The following LRP1B variants were observed in gnomAD, a reference collection of about 807,000 sequenced individuals.
LRP1B encodes low-density lipoprotein receptor-related protein 1B.
A neutral mutation model predicts 556.6 loss-of-function variants in LRP1B; 217 were observed. The observed-to-expected ratio is 0.39, with a 90% CI of 0.35 to 0.44. LRP1B has a LOEUF of 0.44. Ranked by LOEUF, LRP1B falls within the 20% of genes least tolerant of loss-of-function variation. The pLI is 1.00. For synonymous variants in LRP1B, 2,047 were observed against 1,865.8 expected (o/e 1.10, Z -2.50); for missense variants, 5,053 against 5,620.8 (o/e 0.90, Z 3.23).
intron 60 of LRP1B, among the ~76,000 whole-genome samples, chr2:140,463,665 G>A (rs749043943): frequency 2.6e-5 from 4 of 152,102 alleles, no homozygotes; most frequent in Non-Finnish European, 4.4e-5. Context: ...TTATTTTTCC[G>A]ATATTAAATA....
chr2:141,544,053 T>G (rs1685366752), intron 2 of LRP1B, among the ~76,000 whole-genome samples: 1 of 152,154 alleles, frequency 6.6e-6, no homozygotes, highest in Admixed American at 6.5e-5. Context: ...GAATCATGTT[T>G]GAACCAGAGC....
chr2:141,146,579 T>TAGA (rs976433264), intron 7 of LRP1B, among the ~76,000 whole-genome samples: 1 of 152,214 alleles, frequency 6.6e-6, no homozygotes, highest in Non-Finnish European at 1.5e-5. Flanking sequence ...TAGGCACATG[T>TAGA]AGAATATCCC....
intron 23 of LRP1B, among the ~76,000 whole-genome samples, chr2:140,901,535 C>A (rs1297750124): frequency 5.3e-5 from 8 of 152,084 alleles, no homozygotes; most frequent in Non-Finnish European, 1.2e-4. Flanking sequence ...AATGGGATAT[C>A]CATCACCTCA....
At chr2:141,760,405 T>C (rs79743185) in intron 2 of LRP1B, among the ~76,000 whole-genome samples, 11,202 of 152,280 alleles carry the variant, frequency 0.074, 548 homozygotes, top group Middle Eastern at 0.12. Context: ...TTATTAATGT[T>C]AATTTACAGA....
intron 3 of LRP1B, among the ~76,000 whole-genome samples, chr2:141,452,902 A>G (rs912330926): frequency 3.3e-5 from 5 of 152,098 alleles, no homozygotes; most frequent in Admixed American, 3.3e-4. Flanking sequence ...TGACTATATT[A>G]TTTCACCAAA....
intron 1 of LRP1B, among the ~76,000 whole-genome samples, chr2:141,951,108 AT>A (rs1701092897): frequency 6.6e-6 from 1 of 152,186 alleles, no homozygotes; most frequent in African/African-American, 2.4e-5. Context: ...GGCTGCGTAA[AT>A]AAGAGTATGT....
intron 77 of LRP1B, among the ~76,000 whole-genome samples, chr2:140,341,996 A>G (rs1354397203): frequency 6.6e-6 from 1 of 151,454 alleles, no homozygotes; most frequent in Non-Finnish European, 1.5e-5. Flanking sequence ...TGGACAAAAT[A>G]TGGAATCTAA....
chr2:141,996,068 A>G (rs777101747), intron 1 of LRP1B, among the ~76,000 whole-genome samples: 28 of 152,296 alleles, frequency 1.8e-4, no homozygotes, highest in Non-Finnish European at 2.8e-4. Flanking sequence ...CCTGGCCAAC[A>G]TGATGAAAGT....
intron 2 of LRP1B, among the ~76,000 whole-genome samples, chr2:141,604,773 G>A (rs77500272): frequency 8.1e-4 from 123 of 152,146 alleles, no homozygotes; most frequent in African/African-American, 2.8e-3. Context: ...CTTCAGGTGG[G>A]GGATCATGCC....
chr2:141,073,029 T>C (rs1303811963), intron 7 of LRP1B, among the ~76,000 whole-genome samples: 2 of 152,112 alleles, frequency 1.3e-5, no homozygotes, highest in Non-Finnish European at 2.9e-5. Flanking sequence ...AAATGTCATA[T>C]TCAGCACACG....
At chr2:141,383,444 G>C (rs574091511) in intron 3 of LRP1B, among the ~76,000 whole-genome samples, 10 of 152,208 alleles carry the variant, frequency 6.6e-5, no homozygotes, top group African/African-American at 2.2e-4. Context: ...ACAATGGCCA[G>C]GTTATGGAAA....
Position 142,105,674 on chromosome 2 carries a change from T to C in LRP1B, c.82+24974A>G, listed in dbSNP as rs1706722519. ...TAATTAGCACTGAAGATTTGTATTT[T>C]TTAAAACAAACCAAAACTCTGTTTA... On this transcript the variant is annotated intron_variant, in intron 1 of 90. Transcript: ENST00000389484. Among the ~76,000 whole-genome samples the C allele has an allele frequency of 2.6e-5, 4 of 152,342 alleles. No homozygotes were observed. The South Asian group carries it at 8.3e-4, about 32-fold the overall frequency.
chr2:140,376,438 G>T (rs1408624695), intron 68 of LRP1B, among the ~76,000 whole-genome samples: 1 of 152,038 alleles, frequency 6.6e-6, no homozygotes, highest in Admixed American at 6.6e-5. Context: ...CCAAAGCCAA[G>T]ATATTTTCAT....
chr2:140,821,724 A>T (rs1691334577), intron 31 of LRP1B, among the ~76,000 whole-genome samples: 1 of 152,204 alleles, frequency 6.6e-6, no homozygotes, highest in Non-Finnish European at 1.5e-5. Context: ...AATAACTTTC[A>T]ATTGGGATTA....
At chr2:141,966,210 T>G (rs1701561886) in intron 1 of LRP1B, among the ~76,000 whole-genome samples, 1 of 151,972 alleles carries the variant, frequency 6.6e-6, no homozygotes, top group South Asian at 2.1e-4. Context: ...GACAAAATTC[T>G]TGTTTTCATG....
intron 2 of LRP1B, among the ~76,000 whole-genome samples, chr2:141,490,112 T>C (rs6718844): frequency 0.97 from 148,313 of 152,236 alleles, 72,358 homozygotes; most frequent in East Asian, 1. Context: ...GCTTTGATAA[T>C]TTGTTTTAGG....
chr2:141,362,978 C>T (rs1310559064), intron 3 of LRP1B, among the ~76,000 whole-genome samples: 1 of 152,126 alleles, frequency 6.6e-6, no homozygotes, highest in African/African-American at 2.4e-5. Flanking sequence ...TATATCACAA[C>T]ATTGATTATT....
intron 86 of LRP1B, among the ~76,000 whole-genome samples, chr2:140,257,597 G>T (rs1334952914): frequency 6.6e-6 from 1 of 152,112 alleles, no homozygotes; most frequent in Admixed American, 6.6e-5. Flanking sequence ...TGACTGGCAT[G>T]GTGAAAGCTA....
At chr2:141,538,123 C>T (rs191737656) in intron 2 of LRP1B, among the ~76,000 whole-genome samples, 3 of 152,166 alleles carry the variant, frequency 2.0e-5, no homozygotes, top group East Asian at 1.9e-4. Context: ...TGCATATATG[C>T]GTACATTCAT....
Sources: allele counts gnomAD v4.1 joint callset (sites outside exome capture counted in the v4.1 genomes callset), GRCh38; gene constraint gnomAD v4.1.1; transcripts MANE v1.5; gene names NCBI Gene and HGNC (gene_info 2026-07-23, HGNC 2026-07-21).